FAM184A: variants seen among roughly 807,000 people sequenced by gnomAD.
FAM184A encodes the protein family with sequence similarity 184 member A.
A neutral mutation model predicts 143.8 loss-of-function variants in FAM184A; 99 were observed. The observed-to-expected ratio is 0.69, with a 90% CI of 0.58 to 0.81. The LOEUF is 0.81. FAM184A is among the 40% of genes least tolerant of loss of function. The pLI is 0.00. For missense variants in FAM184A, 1,217 were observed against 1,310.5 expected, an observed-to-expected ratio of 0.93 and a Z score of 1.10; for synonymous variants, 427 against 446.4, an observed-to-expected ratio of 0.96 and a Z score of 0.55.
intron 9 of FAM184A, among the ~76,000 whole-genome samples, chr6:118,990,051 C>T (rs889021762): frequency 1.3e-5 from 2 of 152,116 alleles, no homozygotes; most frequent in African/African-American, 4.8e-5. Flanking sequence ...ATGGTCTCAT[C>T]TTCTGACCTC....
intron 1 of FAM184A, among the ~76,000 whole-genome samples, chr6:119,041,300 G>A (rs1319495721): frequency 6.6e-6 from 1 of 152,162 alleles, no homozygotes; most frequent in Non-Finnish European, 1.5e-5. Flanking sequence ...GACAAGACTA[G>A]CTGGATTTCC....
intron 1 of FAM184A, among the ~76,000 whole-genome samples, chr6:119,067,955 T>C (rs1201286367): frequency 2.0e-5 from 3 of 151,678 alleles, no homozygotes; most frequent in African/African-American, 4.9e-5. Context: ...CTGGGCAACA[T>C]AGCCAGACTC....
chr6:119,001,045 T>C (rs1784740343), intron 9 of FAM184A, among the ~76,000 whole-genome samples: 1 of 149,798 alleles, frequency 6.7e-6, no homozygotes, highest in Non-Finnish European at 1.5e-5. Context: ...GACAACAAGA[T>C]CCAGAGCCAA....
intron 14 of FAM184A, among the ~76,000 whole-genome samples, chr6:118,970,008 A>ATATATATT: frequency 1.0e-4 from 2 of 19,054 alleles, no homozygotes; most frequent in African/African-American, 3.1e-4. Context: ...ATATATATAT[A>ATATATATT]TTTTTTTTTT....
chr6:118,969,997 TATATATATATA>T lies in FAM184A; in HGVS notation c.2916-3056_2916-3046del. Among the ~76,000 whole-genome samples, 2 of 25,148 alleles carry T rather than the reference TATATATATATA, an allele frequency of 8.0e-5. 1 individual carries two copies. The highest frequency in any genetic ancestry group is 2.4e-3 in the South Asian group (2 of 836). The allele number at this position is 25,148 out of a possible 152,430, so 16.5% of individuals were successfully genotyped here. On this transcript the variant is annotated intron_variant, in intron 14 of 17. Coordinates refer to ENST00000338891, the MANE Select transcript of FAM184A (RefSeq NM_024581.6). The stretch of plus-strand genomic sequence containing the variant: ...TGTTTGGGTGTATATATATATAATA[TATATATATATA>T]TTTTTTTTTTTTTGAGATGGAGTTT...
chr6:119,104,886 C>A (rs1409546751), intron 1 of FAM184A, among the ~76,000 whole-genome samples: 1 of 148,046 alleles, frequency 6.8e-6, no homozygotes. Context: ...TGCCCTTGAT[C>A]TGATGTGATG....
chr6:118,974,549 T>C lies in FAM184A; in HGVS notation c.2794A>G (p.Arg932Gly), dbSNP rs988561303. ...ATGACATCCAACTCTTTTTCAAGTC[T>C]CTTGTTTAAATCTTGTTCATGCAAC... The part of the protein sequence containing the change: ...IRLHEQDLNK[R>G]LEKELDVMTA... Residue 932 changes from arginine to glycine, a missense_variant, in exon 14 of 18, where the codon AGA becomes GGA. Transcript: ENST00000338891. 1.2e-6 allele frequency: 2 copies of C among 1,607,808 alleles called. No homozygotes were observed. The highest frequency in any genetic ancestry group is 2.7e-5 in the African/African-American group (2 of 74,744).
intron 1 of FAM184A, among the ~76,000 whole-genome samples, chr6:119,044,144 T>C (rs1226668410): frequency 2.6e-5 from 4 of 152,160 alleles, no homozygotes; most frequent in African/African-American, 9.7e-5. Flanking sequence ...TTTACCACTA[T>C]TAACATTGCA....
chr6:119,013,686 T>C (rs1211789456), intron 5 of FAM184A, among the ~76,000 whole-genome samples: 4 of 152,182 alleles, frequency 2.6e-5, no homozygotes, highest in Admixed American at 6.5e-5. Context: ...CATAAACATA[T>C]AGTAGTAAGT....
intron 9 of FAM184A, among the ~76,000 whole-genome samples, chr6:118,989,507 A>G (rs1784300131): frequency 6.6e-6 from 1 of 152,056 alleles, no homozygotes; most frequent in Admixed American, 6.5e-5. Context: ...AAGTGACACA[A>G]TCTAAAGATA....
chr6:119,123,452 G>T (rs377095245), intron 1 of FAM184A, among the ~76,000 whole-genome samples: 3 of 152,112 alleles, frequency 2.0e-5, no homozygotes, highest in East Asian at 1.9e-4. Context: ...TTGGGTGGTT[G>T]GTTCACGTCA....
intron 14 of FAM184A, 123 bp downstream of exon 14, chr6:118,974,305 A>C: frequency 1.2e-6 from 1 of 802,756 alleles, no homozygotes; most frequent in Non-Finnish European, 1.9e-6. Context: ...GTAACACAGC[A>C]CTAAAATTTT....
At position 119,024,137 on chromosome 6, in the gene FAM184A, G is replaced by A. The variant is rs572456951; in HGVS notation, c.836C>T (p.Ala279Val). 7 of 1,614,014 alleles carry A rather than the reference G, an allele frequency of 4.3e-6. No individual in the cohort carries two copies. The East Asian group carries it at 1.6e-4, about 36-fold the overall frequency. Residue 279 changes from alanine (A) to valine (V), a missense_variant, in exon 2 of 18, where the codon GCC (alanine) becomes GTC (valine). By Grantham distance (64) the Ala-to-Val change is moderately conservative. Transcript: ENST00000338891. ...AAGATCAGCTTCCTTTTCTTTGCTG[G>A]CCTGTAGGCTTTCTGCTGTAAAAAG... ...SQLFTAESLQ[A>V]SKEKEADLRK...
At chr6:119,053,570 C>T (rs963459113) in intron 1 of FAM184A, among the ~76,000 whole-genome samples, 1 of 152,176 alleles carries the variant, frequency 6.6e-6, no homozygotes, top group Non-Finnish European at 1.5e-5. Context: ...TCCATTAATA[C>T]CTTTTGATCA....
chr6:119,031,690 T>TA (rs1324316364), intron 1 of FAM184A: 1 of 152,230 alleles, frequency 6.6e-6, no homozygotes, highest in East Asian at 1.9e-4. Context: ...ATACATTCAC[T>TA]AAAGTGATAT....
chr6:119,138,318 T>C (rs1481600980), intron 1 of FAM184A, among the ~76,000 whole-genome samples: 1 of 152,204 alleles, frequency 6.6e-6, no homozygotes, highest in Non-Finnish European at 1.5e-5. Flanking sequence ...TATAACAAAT[T>C]ACCGCAAACT....
At chr6:119,069,794 C>T (rs1787614712) in intron 1 of FAM184A, among the ~76,000 whole-genome samples, 1 of 151,874 alleles carries the variant, frequency 6.6e-6, no homozygotes, top group Admixed American at 6.6e-5. Context: ...CTTATTAACC[C>T]CTATGGAAAC....
chr6:119,063,173 T>C (rs189330095), intron 1 of FAM184A, among the ~76,000 whole-genome samples: 253 of 152,330 alleles, frequency 1.7e-3, no homozygotes, highest in African/African-American at 5.9e-3. Flanking sequence ...TGATAAAATA[T>C]GCAAAAATTT....
In FAM184A at chr6:119,006,600, G is replaced by T. The variant is rs770902577; in HGVS notation, c.1662C>A (p.His554Gln). 2 of 1,610,454 alleles carry T rather than the reference G, an allele frequency of 1.2e-6. No homozygotes were observed. Among genetic ancestry groups the T allele is most frequent in the South Asian group, 2.2e-5 (2 of 90,144 alleles). The change falls in exon 7 of 18, where the codon CAC becomes CAA. Residue 554 changes from histidine to glutamine, a missense_variant. His to Gln is a conservative substitution (Grantham distance 24). Transcript: ENST00000338891. Reference sequence around the variant, plus strand: ...CACTTTTCCTTACCATATCTTGGAGGTGGCCAATCTGTAAGTAAATAGAGT... The same window carrying T: ...CACTTTTCCTTACCATATCTTGGAGTTGGCCAATCTGTAAGTAAATAGAGT... Reference protein sequence around the residue: ...KLNTANQEIGHLQDMVRKSEQ... With the variant: ...KLNTANQEIGQLQDMVRKSEQ...
Sources: gnomAD v4.1 joint callset for allele counts (sites outside exome capture counted in the v4.1 genomes callset) on GRCh38, gnomAD v4.1.1 for gene constraint, MANE v1.5 for transcripts, NCBI Gene and HGNC (gene_info 2026-07-23, HGNC 2026-07-21) for gene names.